The following ARID2 variants were observed in gnomAD, a reference collection of about 807,000 sequenced individuals.
The protein encoded by ARID2 is AT-rich interaction domain 2.
In ARID2, 32 loss-of-function variants were observed where a neutral mutation model predicts 184.6. The ratio of observed to expected loss-of-function variants is 0.17; its 90% CI spans 0.13 to 0.23. ARID2 has a LOEUF of 0.23. Among genes scored for constraint, ARID2 ranks in the 10% least tolerant of loss-of-function variants. ARID2 has a pLI of 1.00. For missense variants in ARID2, 1,696 were observed against 2,197.6 expected (o/e 0.77, Z 4.56); for synonymous variants, 836 against 772.6 (o/e 1.08, Z -1.36).
In ARID2 at chr12:45,855,065, T is replaced by G. The variant is rs1413326617; in HGVS notation, c.4773+2169T>G. 2.0e-5 allele frequency among the ~76,000 whole-genome samples: 3 copies of G among 152,228 alleles called. No homozygotes were observed. In the East Asian group the frequency reaches 5.8e-4, roughly 29 times the overall value. On this transcript the variant is annotated intron_variant, in intron 15 of 20. Coordinates refer to ENST00000334344, the MANE Select transcript of ARID2 (RefSeq NM_152641.4). ...CTATAAAGCTCTAGAGAGCCTTTTT[T>G]TAATCTAACATATTGATTATTTGAG... is the stretch of plus-strand genomic sequence containing the variant.
rs187935986 is a variant in ARID2 at position 45,759,478 on chromosome 12, C to G, written c.284+28164C>G. ...GATGACTTAGTGATGCAGTGGTCCA[C>G]TTAAATTGCAATATGATCTAGGAGA... On this transcript the variant is annotated intron_variant, in intron 3 of 20. Transcript: ENST00000334344. Among the ~76,000 whole-genome samples the G allele has an allele frequency of 5.2e-4, 79 of 152,226 alleles. 3 individuals are homozygous for G. Among genetic ancestry groups the G allele is most frequent in the African/African-American group, 1.9e-3 (77 of 41,536 alleles).
At chr12:45,812,704 T>C (rs1942731823) in intron 4 of ARID2, among the ~76,000 whole-genome samples, 1 of 152,166 alleles carries the variant, frequency 6.6e-6, no homozygotes, top group African/African-American at 2.4e-5. Context: ...GTGCTCCTTG[T>C]TTCTAAAAAG....
intron 3 of ARID2, among the ~76,000 whole-genome samples, chr12:45,785,284 C>G (rs1473397248): frequency 6.6e-6 from 1 of 152,198 alleles, no homozygotes. Context: ...CTTCAACCCT[C>G]AGTTTTCTAC....
chr12:45,855,804 C>T (rs1943636480), intron 15 of ARID2, among the ~76,000 whole-genome samples: 1 of 152,172 alleles, frequency 6.6e-6, no homozygotes, highest in Admixed American at 6.6e-5. Context: ...GCAGCCTCGA[C>T]CTCCTTGGCT....
rs1467572920 is a variant in ARID2 at position 45,905,986 on chromosome 12, C to T, written c.*908C>T. Reference sequence around the variant, plus strand: ...TTTGTATTATACACCTTGTAGAACTCATTTTGCTGGCTGAAAGAGTATGGA... The same window carrying T: ...TTTGTATTATACACCTTGTAGAACTTATTTTGCTGGCTGAAAGAGTATGGA... On this transcript the variant is annotated 3_prime_UTR_variant, in exon 21 of 21. Coordinates refer to ENST00000334344, the MANE Select transcript of ARID2 (RefSeq NM_152641.4). 3 of 210,250 alleles carry T rather than the reference C, an allele frequency of 1.4e-5. No individual in the cohort carries two copies. The highest frequency in any genetic ancestry group is 7.8e-5 in the African/African-American group (3 of 38,290). 13.0% of individuals were successfully genotyped at this position (210,250 alleles called of 1,614,324 possible).
intron 15 of ARID2, among the ~76,000 whole-genome samples, chr12:45,858,860 T>C (rs897370232): frequency 3.3e-5 from 5 of 152,208 alleles, no homozygotes; most frequent in African/African-American, 7.2e-5. Flanking sequence ...GTGTATGTTT[T>C]CTTATTGTAA....
chr12:45,802,654 ACT>A (rs1195518337), intron 3 of ARID2, among the ~76,000 whole-genome samples: 1 of 152,174 alleles, frequency 6.6e-6, no homozygotes, highest in Non-Finnish European at 1.5e-5. Flanking sequence ...AAGGCATATA[ACT>A]CTTCTCAAGA....
In ARID2 at chr12:45,786,959, A is replaced by G. The variant is rs181244311; in HGVS notation, c.285-24459A>G. ...GGTCACACTCATAAAACAAAATAGAATGGTGATTTCCAGAGGCTGGAAGTT... is the reference window on the plus strand; with the variant it reads ...GGTCACACTCATAAAACAAAATAGAGTGGTGATTTCCAGAGGCTGGAAGTT... On this transcript the variant is annotated intron_variant, in intron 3 of 20. Coordinates refer to ENST00000334344, the MANE Select transcript of ARID2 (RefSeq NM_152641.4). 5.5e-3 allele frequency among the ~76,000 whole-genome samples: 838 copies of G among 152,278 alleles called. 6 individuals are homozygous for G. Among genetic ancestry groups the G allele is most frequent in the Non-Finnish European group, 8.3e-3 (567 of 68,012 alleles).
At chr12:45,742,212 A>G (rs1186601772) in intron 3 of ARID2, among the ~76,000 whole-genome samples, 1 of 152,214 alleles carries the variant, frequency 6.6e-6, no homozygotes, top group African/African-American at 2.4e-5. Flanking sequence ...TGTTTTGGTA[A>G]ATGATGGACT....
In ARID2 at chr12:45,781,213, A is replaced by T. The variant is rs1348379989; in HGVS notation, c.285-30205A>T. Among the ~76,000 whole-genome samples the T allele has an allele frequency of 4.0e-5, 6 of 150,032 alleles. No homozygotes were observed. In the Admixed American group the frequency reaches 4.0e-4, roughly 10 times the overall value. ...TTAGTTCTAGCTTAGACTCTAGCTA[A>T]GAGTCTGTCACTGTCAATCTGTTGC... On this transcript the variant is annotated intron_variant, in intron 3 of 20. Coordinates refer to ENST00000334344, the MANE Select transcript of ARID2 (RefSeq NM_152641.4).
At chr12:45,821,347 C>G in intron 5 of ARID2, 73 bp from the exon 6 acceptor site, 1 of 920,174 alleles carries the variant, frequency 1.1e-6, no homozygotes, top group Admixed American at 3.0e-5. Context: ...TTTTCCAAGC[C>G]TATTATTAAA....
rs1250416667 is a variant in ARID2 at position 45,906,802 on chromosome 12, A to C, written c.*1724A>C. 7 of 232,062 alleles carry C rather than the reference A, an allele frequency of 3.0e-5. No individual in the cohort carries two copies. The highest frequency in any genetic ancestry group is 6.0e-5 in the Non-Finnish European group (7 of 117,430). 14.4% of individuals were successfully genotyped at this position (232,062 alleles called of 1,614,324 possible). ...AACAGCAAATGATTGATGCAGTTAA[A>C]GCTCAATATGCCTTTTTTTACTGGA... On this transcript the variant is annotated 3_prime_UTR_variant, in exon 21 of 21. Transcript: ENST00000334344.
chr12:45,758,731 G>T (rs1242759400), intron 3 of ARID2, among the ~76,000 whole-genome samples: 1 of 152,110 alleles, frequency 6.6e-6, no homozygotes, highest in Non-Finnish European at 1.5e-5. Flanking sequence ...GCCTGCTGTA[G>T]TACTTGCCAG....
Position 45,851,887 on chromosome 12 carries a change from G to T in ARID2, c.3764G>T (p.Gly1255Val), listed in dbSNP as rs754383773. The T allele has an allele frequency of 3.1e-6, 5 of 1,614,064 alleles. No individual in the cohort carries two copies. The South Asian group carries it at 5.5e-5, about 18-fold the overall frequency. ...GAGGAGGAAGCAAAGGAAGCAACAG[G>T]TTTACATGTTCATGAACGTAAAATT... ...QKEEEAKEAT[G>V]LHVHERKIEV... is the part of the protein sequence containing the mutation. Residue 1255 changes from glycine (G) to valine (V), a missense_variant, in exon 15 of 21, where the codon GGT (glycine) becomes GTT (valine). Transcript: ENST00000334344.
At chr12:45,808,761 ATG>A (rs533034285) in intron 3 of ARID2, among the ~76,000 whole-genome samples, 36 of 140,680 alleles carry the variant, frequency 2.6e-4, no homozygotes, top group Non-Finnish European at 3.1e-4. Flanking sequence ...GTGTGTGTGT[ATG>A]TGTGTGTGTG....
At chr12:45,862,140 T>G (rs1943760602) in intron 16 of ARID2, among the ~76,000 whole-genome samples, 1 of 152,178 alleles carries the variant, frequency 6.6e-6, no homozygotes, top group Admixed American at 6.5e-5. Flanking sequence ...CTCAACCCAG[T>G]AGTGGGACTG....
At chr12:45,798,718 A>G (rs1041420011) in intron 3 of ARID2, among the ~76,000 whole-genome samples, 22 of 148,486 alleles carry the variant, frequency 1.5e-4, no homozygotes, top group African/African-American at 5.5e-4. Flanking sequence ...TTCTCATACA[A>G]ACATTTGAAG....
At chr12:45,801,139 C>T (rs1942490627) in intron 3 of ARID2, among the ~76,000 whole-genome samples, 1 of 152,022 alleles carries the variant, frequency 6.6e-6, no homozygotes, top group Non-Finnish European at 1.5e-5. Context: ...GGTGAAACCT[C>T]ATCTCTACTA....
Position 45,851,407 on chromosome 12 carries a change from C to G in ARID2, c.3284C>G (p.Pro1095Arg), listed in dbSNP as rs1290845172. 1 of 1,614,014 alleles carries G rather than the reference C, an allele frequency of 6.2e-7. No individual in the cohort carries two copies. The highest frequency in any genetic ancestry group is 8.5e-7 in the Non-Finnish European group (1 of 1,180,016). ...PPPNNARAPS[P>R]QVVYQVASNQ... ...CCTAATAATGCAAGAGCTCCTAGCC[C>G]TCAGGTGGTCTATCAGGTGGCCAGT... The change falls in exon 15 of 21, where the codon CCT becomes CGT. Residue 1095 changes from proline to arginine, a missense_variant. By Grantham distance (103) the Pro-to-Arg change is moderately radical. This residue lies in a region of ARID2 where 713 missense variants were observed against 824.4 expected (regional missense o/e 0.86). Transcript: ENST00000334344.
Sources: allele counts gnomAD v4.1 joint callset (sites outside exome capture counted in the v4.1 genomes callset), GRCh38; gene constraint gnomAD v4.1.1; regional missense constraint gnomAD v4.1.1; transcripts MANE v1.5; gene names NCBI Gene and HGNC (gene_info 2026-07-23, HGNC 2026-07-21).